Variants in CLOCK observed in about 807,000 individuals in gnomAD.
CLOCK encodes the protein clock circadian regulator.
CLOCK carries 43 observed loss-of-function variants against 118.4 expected under a neutral mutation model. That is an observed-to-expected ratio of 0.36 (90% CI 0.28 to 0.47). The LOEUF (loss-of-function observed/expected upper bound fraction) is 0.47. CLOCK is among the 20% of genes least tolerant of loss of function. The pLI, the probability that CLOCK is intolerant of heterozygous loss-of-function variation, is 1.00. For missense variants in CLOCK, 846 were observed against 999.9 expected (o/e 0.85, Z 2.08); for synonymous variants, 326 against 339.2 (o/e 0.96, Z 0.43).
At chr4:55,535,668 A>G (rs922963944) in intron 1 of CLOCK, among the ~76,000 whole-genome samples, 2 of 152,004 alleles carry the variant, frequency 1.3e-5, no homozygotes, top group Admixed American at 6.6e-5. Context: ...TATAAAAATC[A>G]TATTTTTAAA....
chr4:55,496,329 T>C (rs1728084739), intron 2 of CLOCK, among the ~76,000 whole-genome samples: 1 of 152,172 alleles, frequency 6.6e-6, no homozygotes, highest in Non-Finnish European at 1.5e-5. Context: ...CTCTTCCTAG[T>C]AAAGGCACAA....
At chr4:55,478,775 C>T in intron 6 of CLOCK, 40 bp downstream of exon 6, 3 of 1,593,760 alleles carry the variant, frequency 1.9e-6, no homozygotes, top group Non-Finnish European at 2.6e-6. Context: ...CTAACTAATG[C>T]TTTGAGAGTC....
chr4:55,463,724 G>C lies in CLOCK; in HGVS notation c.520C>G (p.Leu174Val). ...SEVYKILSTH[L>V]LESDSLTPEY... Reference sequence around the variant, plus strand: ...GGGGTTAATGAATCACTTTCCAGCAGATGAGTAGAGAGTATTTTATAAACC... The same window carrying C: ...GGGGTTAATGAATCACTTTCCAGCACATGAGTAGAGAGTATTTTATAAACC... Residue 174 changes from leucine (L) to valine (V), a missense_variant, in exon 9 of 23, where the codon CTG (leucine) becomes GTG (valine). By Grantham distance (32) the Leu-to-Val change is conservative. Coordinates refer to ENST00000513440, the MANE Select transcript of CLOCK (RefSeq NM_004898.4). 6.2e-7 allele frequency: 1 copy of C among 1,612,880 alleles called. No homozygotes were observed. Among genetic ancestry groups the C allele is most frequent in the South Asian group, 1.1e-5 (1 of 91,060 alleles).
chr4:55,532,527 C>T (rs114398285), intron 1 of CLOCK, among the ~76,000 whole-genome samples: 4,100 of 151,772 alleles, frequency 0.027, 192 homozygotes, highest in African/African-American at 0.094. Flanking sequence ...AAATGACCAA[C>T]TGGAAAGGAA....
chr4:55,514,437 A>G (rs1420255407), intron 1 of CLOCK, among the ~76,000 whole-genome samples: 2 of 151,890 alleles, frequency 1.3e-5, no homozygotes, highest in Non-Finnish European at 2.9e-5. Context: ...ACAATTCAGT[A>G]TTTTTTAGTG....
Position 55,482,747 on chromosome 4 carries a change from A to G in CLOCK, c.39T>C (p.Ile13=). The change falls in exon 4 of 23, where the codon ATT becomes ATC. Residue 13 remains isoleucine (I), a synonymous_variant. Coordinates refer to ENST00000513440, the MANE Select transcript of CLOCK (RefSeq NM_004898.4). ...AGTCTTCAAAAACATACCTGTCAAC[A>G]ATCGAGCTCATTTTACTACAGCTTA... ...FTVSCSKMSS[I]VDRDDSSIFD... 1 of 1,607,194 alleles carries G rather than the reference A, an allele frequency of 6.2e-7. No homozygotes were observed. Among genetic ancestry groups the G allele is most frequent in the Non-Finnish European group, 8.5e-7 (1 of 1,176,154 alleles).
chr4:55,537,425 C>A (rs1045463557), intron 1 of CLOCK, among the ~76,000 whole-genome samples: 1 of 152,022 alleles, frequency 6.6e-6, no homozygotes, highest in African/African-American at 2.4e-5. Context: ...TGACGACCAG[C>A]CTGGGCAACA....
intron 2 of CLOCK, among the ~76,000 whole-genome samples, chr4:55,491,170 G>C (rs1258486374): frequency 7.1e-6 from 1 of 140,720 alleles, no homozygotes; most frequent in Non-Finnish European, 1.5e-5. Context: ...AAAGTGTTCT[G>C]ACAGGGAATC....
intron 9 of CLOCK, among the ~76,000 whole-genome samples, chr4:55,460,796 TCTAAC>T (rs1725278152): frequency 6.6e-6 from 1 of 152,202 alleles, no homozygotes; most frequent in Non-Finnish European, 1.5e-5. Flanking sequence ...GGCTTTATCA[TCTAAC>T]CTAATCAGTA....
At chr4:55,492,702 G>A (rs1484564457) in intron 2 of CLOCK, among the ~76,000 whole-genome samples, 1 of 151,978 alleles carries the variant, frequency 6.6e-6, no homozygotes, top group African/African-American at 2.4e-5. Context: ...AAAATTAGCT[G>A]GGCATGGTGG....
At chr4:55,542,803 C>G (rs891983999) in intron 1 of CLOCK, among the ~76,000 whole-genome samples, 2 of 151,904 alleles carry the variant, frequency 1.3e-5, no homozygotes, top group African/African-American at 4.8e-5. Context: ...GTGTAATCTA[C>G]GAGGCTTTCG....
chr4:55,447,195 T>C (rs1387996867), intron 18 of CLOCK, among the ~76,000 whole-genome samples: 2 of 151,960 alleles, frequency 1.3e-5, no homozygotes, highest in African/African-American at 4.8e-5. Flanking sequence ...GGCAAAACCC[T>C]GTCTCTACTA....
chr4:55,508,437 TATAATTAAGTCACTG>T (rs1728942354), intron 2 of CLOCK, among the ~76,000 whole-genome samples: 1 of 152,162 alleles, frequency 6.6e-6, no homozygotes, highest in Non-Finnish European at 1.5e-5. Context: ...AAGAAAAAAG[TATAATTAAGTCACTG>T]AGAATTGGCA....
At chr4:55,491,375 G>A (rs1407895566) in intron 2 of CLOCK, among the ~76,000 whole-genome samples, 2 of 141,922 alleles carry the variant, frequency 1.4e-5, no homozygotes, top group Non-Finnish European at 3.1e-5. Context: ...CAGTGAATAG[G>A]AAAAAAAAAA....
At chr4:55,482,158 C>A (rs987478186) in intron 4 of CLOCK, among the ~76,000 whole-genome samples, 1 of 152,010 alleles carries the variant, frequency 6.6e-6, no homozygotes, top group African/African-American at 2.4e-5. Context: ...GGGTAGACTA[C>A]GTGTCGCTGA....
chr4:55,464,555 G>A (rs1725599479), intron 8 of CLOCK, among the ~76,000 whole-genome samples: 1 of 152,152 alleles, frequency 6.6e-6, no homozygotes, highest in Non-Finnish European at 1.5e-5. Context: ...TGGAATCCTA[G>A]GGATGCTGAG....
At chr4:55,469,329 A>C (rs1230458451) in intron 8 of CLOCK, among the ~76,000 whole-genome samples, 1 of 152,132 alleles carries the variant, frequency 6.6e-6, no homozygotes. Flanking sequence ...TCTCAACCTC[A>C]GGTGATCTGC....
At chr4:55,517,056 A>C (rs1239469900) in intron 1 of CLOCK, among the ~76,000 whole-genome samples, 1 of 152,238 alleles carries the variant, frequency 6.6e-6, no homozygotes. Flanking sequence ...ATATAAGCAT[A>C]CATAATTGAA....
intron 1 of CLOCK, among the ~76,000 whole-genome samples, chr4:55,532,777 T>C (rs1358469683): frequency 4.0e-5 from 6 of 151,702 alleles, no homozygotes; most frequent in Admixed American, 2.0e-4. Flanking sequence ...AGCCCAGGAG[T>C]TCAAGGTCAC....
Sources: allele counts gnomAD v4.1 joint callset (sites outside exome capture counted in the v4.1 genomes callset), GRCh38; gene constraint gnomAD v4.1.1; transcripts MANE v1.5; gene names NCBI Gene and HGNC (gene_info 2026-07-23, HGNC 2026-07-21).